Variants in ZFP41 observed in about 807,000 individuals in gnomAD.
ZFP41 encodes ZFP41 zinc finger protein.
ZFP41 carries 10 observed loss-of-function variants against 11.6 expected under a neutral mutation model. That is an observed-to-expected ratio of 0.86 (90% CI 0.53 to 1.47). The LOEUF (loss-of-function observed/expected upper bound fraction) is 1.47. Ranked by LOEUF, ZFP41 falls within the 40% of genes most tolerant of loss-of-function variation. ZFP41 has a pLI of 0.00. For synonymous variants in ZFP41, 123 were observed against 100.9 expected, an observed-to-expected ratio of 1.22 and a Z score of -1.31; for missense variants, 302 against 264.6, an observed-to-expected ratio of 1.14 and a Z score of -0.98.
chr8:143,249,674 TCTTG>T lies in ZFP41; in HGVS notation c.-154-12_-154-9del, dbSNP rs1049350765. On this transcript the variant is annotated splice_polypyrimidine_tract_variant and intron_variant, in intron 1 of 2. Coordinates refer to ENST00000330701, the MANE Select transcript of ZFP41 (RefSeq NM_173832.6). ...CAAACCTTTAATCTGAGGTTCATGTTCTTGCTTCTCCCCAGCACCAAGAGGATGG... is the reference window on the plus strand; with the variant it reads ...CAAACCTTTAATCTGAGGTTCATGTTCTTCTCCCCAGCACCAAGAGGATGG... The T allele has an allele frequency of 1.9e-5, 21 of 1,121,830 alleles. No individual in the cohort carries two copies. The highest frequency in any genetic ancestry group is 2.6e-5 in the East Asian group (1 of 38,094). 69.5% of individuals were successfully genotyped at this position (1,121,830 alleles called of 1,614,324 possible). A position where few individuals can be genotyped will look rare whatever the true frequency, so the allele number is the denominator to read the frequency against.
rs1816760624 is a variant in ZFP41, at chr8:143,249,783, A to G, written c.-61A>G. The G allele has an allele frequency of 2.0e-6, 3 of 1,515,468 alleles. No individual in the cohort carries two copies. The South Asian group carries it at 4.1e-5, about 21-fold the overall frequency. The allele number at this position is 1,515,468 out of a possible 1,614,324, so 93.9% of individuals were successfully genotyped here. A position where few individuals can be genotyped will look rare whatever the true frequency, so the allele number is the denominator to read the frequency against. On this transcript the variant is annotated 5_prime_UTR_variant, in exon 2 of 3. Coordinates refer to ENST00000330701, the MANE Select transcript of ZFP41 (RefSeq NM_173832.6). The stretch of plus-strand genomic sequence containing the variant: ...GTGCGTGGGAAGCAAGCCATTGAGG[A>G]AGTGGGGCCAACAGAGAGGTCAGCA...
chr8:143,248,732 T>G (rs917412353), intron 1 of ZFP41, among the ~76,000 whole-genome samples: 1 of 151,658 alleles, frequency 6.6e-6, no homozygotes, highest in African/African-American at 2.4e-5. Flanking sequence ...TATGCCTGCA[T>G]CCTCCCTCAG....
At chr8:143,252,756 T>A in intron 2 of ZFP41, 1 of 473,914 alleles carries the variant, frequency 2.1e-6, no homozygotes, top group Non-Finnish European at 2.8e-6. Context: ...TCCCCGGGGC[T>A]GTGGTCAGCC....
Position 143,262,704 on chromosome 8 carries a change from G to A in ZFP41, c.*3830G>A, listed in dbSNP as rs969489798. 2 of 152,134 alleles carry A rather than the reference G, an allele frequency of 1.3e-5. No individual in the cohort carries two copies. The highest frequency in any genetic ancestry group is 2.4e-5 in the African/African-American group (1 of 41,404). 9.4% of individuals were successfully genotyped at this position (152,134 alleles called of 1,614,324 possible). On this transcript the variant is annotated 3_prime_UTR_variant, in exon 3 of 3. Transcript: ENST00000330701. ...TGCAGTAAACATTGATTTCTGACTC[G>A]AGTGCTGTCTTCATTGAGCTCTCTG...
In ZFP41 at chr8:143,249,926, A is replaced by G; in HGVS notation, c.83A>G (p.Glu28Gly). Reference protein sequence around the residue: ...ADVQKSALREEKVSGDRKPPE... With the variant: ...ADVQKSALREGKVSGDRKPPE... Reference sequence around the variant, plus strand: ...GTGCAGAAGAGTGCGCTCAGAGAGGAGAAGGTGTCCGGGGACAGAAAGCCA... The same window carrying G: ...GTGCAGAAGAGTGCGCTCAGAGAGGGGAAGGTGTCCGGGGACAGAAAGCCA... The change falls in exon 2 of 3, where the codon GAG (glutamate) becomes GGG (glycine). Residue 28 changes from glutamate (E) to glycine (G), a missense_variant. Transcript: ENST00000330701. 6.2e-7 allele frequency: 1 copy of G among 1,613,878 alleles called. No homozygotes were observed. Among genetic ancestry groups the G allele is most frequent in the Non-Finnish European group, 8.5e-7 (1 of 1,179,938 alleles).
rs1443092766 is a variant in ZFP41, at chr8:143,249,713, G to A, written c.-131G>A. On this transcript the variant is annotated 5_prime_UTR_variant, in exon 2 of 3. Transcript: ENST00000330701. ...AGCACCAAGAGGATGGTGGCCCTTG[G>A]CCTCCTGGTGCAGAGCATCAGTCCC... is the stretch of plus-strand genomic sequence containing the variant. 2.9e-6 allele frequency: 4 copies of A among 1,401,970 alleles called. No homozygotes were observed. The East Asian group carries it at 9.9e-5, about 35-fold the overall frequency. The allele number at this position is 1,401,970 out of a possible 1,614,324, so 86.8% of individuals were successfully genotyped here. A position where few individuals can be genotyped will look rare whatever the true frequency, so the allele number is the denominator to read the frequency against.
At chr8:143,255,815 G>T (rs1378013772) in intron 2 of ZFP41, among the ~76,000 whole-genome samples, 2 of 116,208 alleles carry the variant, frequency 1.7e-5, no homozygotes, top group African/African-American at 3.6e-5. Context: ...GCTGGTGTTA[G>T]TGAGATCAGG....
chr8:143,250,197 G>A lies in ZFP41; in HGVS notation c.354G>A (p.Ala118=), dbSNP rs73376288. The A allele has an allele frequency of 3.8e-3, 6,065 of 1,614,034 alleles. 208 individuals are homozygous for A. In the African/African-American group the frequency reaches 0.07, roughly 19 times the overall value. Residue 118 remains alanine, a synonymous_variant, in exon 2 of 3, where the codon GCG becomes GCA. Transcript: ENST00000330701. ...VHTGEKPFKC[A]QCGKAFRHSS... is the part of the protein sequence containing the mutation. ...CTGGAGAGAAGCCCTTCAAGTGTGC[G>A]CAGTGCGGGAAGGCCTTCCGGCACA...
At chr8:143,256,024 A>G (rs1355104182) in intron 2 of ZFP41, among the ~76,000 whole-genome samples, 1 of 61,500 alleles carries the variant, frequency 1.6e-5, no homozygotes, top group East Asian at 4.0e-4. Context: ...TGTTAGTGAG[A>G]TCAGGGCTCA....
intron 2 of ZFP41, among the ~76,000 whole-genome samples, chr8:143,256,482 C>T (rs940646074): frequency 1.3e-5 from 2 of 152,218 alleles, no homozygotes; most frequent in African/African-American, 4.8e-5. Flanking sequence ...TATTGGTTCA[C>T]ACACGAAATG....
chr8:143,256,956 C>T (rs1324994565), intron 2 of ZFP41, among the ~76,000 whole-genome samples: 1 of 152,230 alleles, frequency 6.6e-6, no homozygotes, highest in Admixed American at 6.5e-5. Flanking sequence ...CTAGGCTGAC[C>T]TCTGCTTCGG....
At position 143,250,561 on chromosome 8, in the gene ZFP41, C is replaced by G. The variant is rs73376295; in HGVS notation, c.*121C>G. The G allele has an allele frequency of 6.1e-3, 9,003 of 1,483,774 alleles. 477 individuals carry two copies. In the African/African-American group the frequency reaches 0.11, roughly 19 times the overall value. 91.9% of individuals were successfully genotyped at this position (1,483,774 alleles called of 1,614,324 possible). A position where few individuals can be genotyped will look rare whatever the true frequency, so the allele number is the denominator to read the frequency against. On this transcript the variant is annotated 3_prime_UTR_variant, in exon 2 of 3. Coordinates refer to ENST00000330701, the MANE Select transcript of ZFP41 (RefSeq NM_173832.6). Reference sequence around the variant, plus strand: ...GGCCGTGCGCACTGTGTTCCGTGCCCTGGGGACCCCCGGAAAAGCAGCCCA... The same window carrying G: ...GGCCGTGCGCACTGTGTTCCGTGCCGTGGGGACCCCCGGAAAAGCAGCCCA...
chr8:143,250,090 A>G lies in ZFP41; in HGVS notation c.247A>G (p.Arg83Gly). 1.2e-6 allele frequency: 2 copies of G among 1,614,124 alleles called. No individual in the cohort carries two copies. The highest frequency in any genetic ancestry group is 2.2e-5 in the South Asian group (2 of 91,086). Reference sequence around the variant, plus strand: ...GGTTCCCGTGTTCATTCCTTTTCAGAGGAAGAAACCCTATGAGTGCAGTGA... The same window carrying G: ...GGTTCCCGTGTTCATTCCTTTTCAGGGGAAGAAACCCTATGAGTGCAGTGA... Reference protein sequence around the residue: ...EGVPVFIPFQRKKPYECSECG... With the variant: ...EGVPVFIPFQGKKPYECSECG... The change falls in exon 2 of 3, where the codon AGG (arginine) becomes GGG (glycine). Residue 83 changes from arginine (R) to glycine (G), a missense_variant. Transcript: ENST00000330701.
rs527289326 is a variant in ZFP41, at chr8:143,255,006, G to A, written c.*900+3666G>A. 6.6e-5 allele frequency among the ~76,000 whole-genome samples: 10 copies of A among 152,262 alleles called. No individual in the cohort carries two copies. In the South Asian group the frequency reaches 1.0e-3, roughly 16 times the overall value. On this transcript the variant is annotated intron_variant, in intron 2 of 2. Transcript: ENST00000330701. ...TTTCCATATTTAGGGCCAATAGGAC[G>A]GATTCCCAGGTGTGGATTGACATCT...
chr8:143,247,922 C>T (rs895542352), intron 1 of ZFP41, among the ~76,000 whole-genome samples: 5 of 152,194 alleles, frequency 3.3e-5, no homozygotes, highest in Non-Finnish European at 7.3e-5. Context: ...TGGGTTCAGG[C>T]AATTCCCCTC....
rs1451663676 is a variant in ZFP41, at chr8:143,249,751, T to C, written c.-93T>C. Reference sequence around the variant, plus strand: ...GAGCATCAGTCCCACGCTGGGAGTGTGGAGAGGTGCGTGGGAAGCAAGCCA... The same window carrying C: ...GAGCATCAGTCCCACGCTGGGAGTGCGGAGAGGTGCGTGGGAAGCAAGCCA... On this transcript the variant is annotated 5_prime_UTR_variant, in exon 2 of 3. Transcript: ENST00000330701. 3.4e-6 allele frequency: 5 copies of C among 1,490,958 alleles called. No individual in the cohort carries two copies. In the Admixed American group the frequency reaches 9.7e-5, roughly 29 times the overall value. The allele number at this position is 1,490,958 out of a possible 1,614,324, so 92.4% of individuals were successfully genotyped here. A position where few individuals can be genotyped will look rare whatever the true frequency, so the allele number is the denominator to read the frequency against.
chr8:143,248,284 A>T (rs939917955), intron 1 of ZFP41: 1 of 152,238 alleles, frequency 6.6e-6, no homozygotes, highest in African/African-American at 2.4e-5. Flanking sequence ...ATTTGGAGAT[A>T]AAAAAGATAC....
rs771202853 is a variant in ZFP41 at position 143,249,863 on chromosome 8, G to T, written c.20G>T (p.Arg7Ile). The change falls in exon 2 of 3, where the codon AGA becomes ATA. Residue 7 changes from arginine (R) to isoleucine (I), a missense_variant. Coordinates refer to ENST00000330701, the MANE Select transcript of ZFP41 (RefSeq NM_173832.6). MEKPAG[R>I]KKKTPTPREE... ...AGAATGATGGAGAAGCCTGCAGGCA[G>T]AAAAAAGAAGACGCCGACCCCAAGG... The T allele has an allele frequency of 6.3e-7, 1 of 1,598,274 alleles. No homozygotes were observed. The highest frequency in any genetic ancestry group is 8.5e-7 in the Non-Finnish European group (1 of 1,174,844).
intron 2 of ZFP41, among the ~76,000 whole-genome samples, chr8:143,254,422 A>T (rs1250451728): frequency 6.6e-6 from 1 of 152,072 alleles, no homozygotes; most frequent in East Asian, 1.9e-4. Flanking sequence ...CAAGAAAGAA[A>T]CCAGGGGGCG....
Sources: allele counts gnomAD v4.1 joint callset (sites outside exome capture counted in the v4.1 genomes callset), GRCh38; gene constraint gnomAD v4.1.1; transcripts MANE v1.5; gene names NCBI Gene and HGNC (gene_info 2026-07-23, HGNC 2026-07-21).